MTSS1: variants seen among roughly 807,000 people sequenced by gnomAD.
MTSS1 encodes protein MTSS 1.
A neutral mutation model predicts 79.0 loss-of-function variants in MTSS1; 18 were observed. The ratio of observed to expected loss-of-function variants is 0.23; its 90% CI spans 0.16 to 0.34. The LOEUF (loss-of-function observed/expected upper bound fraction) is 0.34, where lower values mean the gene tolerates loss of function less well. MTSS1 is among the 10% of genes least tolerant of loss of function. The pLI, the probability that MTSS1 is intolerant of heterozygous loss-of-function variation, is 1.00. For missense variants in MTSS1, 815 were observed against 986.2 expected (o/e 0.83, Z 2.33); for synonymous variants, 341 against 368.6 (o/e 0.93, Z 0.86).
chr8:124,586,539 C>T (rs1286548466), intron 5 of MTSS1, among the ~76,000 whole-genome samples: 1 of 152,210 alleles, frequency 6.6e-6, no homozygotes, highest in Non-Finnish European at 1.5e-5. Context: ...CCTCCCCCTA[C>T]AAGCTCCCCA....
chr8:124,613,597 A>G (rs1836280647), intron 3 of MTSS1, among the ~76,000 whole-genome samples: 1 of 152,230 alleles, frequency 6.6e-6, no homozygotes, highest in Non-Finnish European at 1.5e-5. Context: ...GCCTCCAAAG[A>G]CAGCTACAGA....
At chr8:124,639,756 G>A (rs183056954) in intron 3 of MTSS1, among the ~76,000 whole-genome samples, 258 of 152,178 alleles carry the variant, frequency 1.7e-3, no homozygotes, top group African/African-American at 5.9e-3. Flanking sequence ...GAGCCACCGC[G>A]CCCAGCCCCA....
At chr8:124,580,742 C>A in intron 6 of MTSS1, 1 of 601,486 alleles carries the variant, frequency 1.7e-6, no homozygotes, top group Admixed American at 2.6e-5. Flanking sequence ...CCACATTCCC[C>A]TTCTCTGCCT....
intron 3 of MTSS1, among the ~76,000 whole-genome samples, chr8:124,624,343 T>C (rs1193733212): frequency 6.6e-6 from 1 of 152,136 alleles, no homozygotes; most frequent in Admixed American, 6.5e-5. Flanking sequence ...AGGGACGTTT[T>C]CAGAAGATCC....
chr8:124,707,400 A>C (rs10109363), intron 1 of MTSS1, among the ~76,000 whole-genome samples: 48,023 of 94,538 alleles, frequency 0.51, 8,510 homozygotes, highest in Non-Finnish European at 0.54. Context: ...TACAAAAAAA[A>C]AAACAAACAA....
At chr8:124,602,212 T>C (rs983842392) in intron 3 of MTSS1, among the ~76,000 whole-genome samples, 22 of 95,382 alleles carry the variant, frequency 2.3e-4, no homozygotes, top group Non-Finnish European at 4.0e-4. Flanking sequence ...TATATAATTT[T>C]TTTTTGAGAC....
chr8:124,680,937 G>C (rs1826029801), intron 3 of MTSS1, among the ~76,000 whole-genome samples: 1 of 152,160 alleles, frequency 6.6e-6, no homozygotes, highest in East Asian at 1.9e-4. Context: ...CTCCTGGCCA[G>C]AGTGGGGATT....
chr8:124,710,943 G>T (rs905041465), intron 1 of MTSS1, among the ~76,000 whole-genome samples: 1 of 152,202 alleles, frequency 6.6e-6, no homozygotes, highest in Non-Finnish European at 1.5e-5. Flanking sequence ...GCTCTAGAGA[G>T]TGGGGTTCCA....
At chr8:124,556,800 C>T (rs780218967) in intron 11 of MTSS1, among the ~76,000 whole-genome samples, 9 of 152,244 alleles carry the variant, frequency 5.9e-5, no homozygotes, top group East Asian at 1.9e-4. Context: ...AGGGGAATGG[C>T]CACCAGCGAG....
chr8:124,672,310 A>G (rs1291875004), intron 3 of MTSS1, among the ~76,000 whole-genome samples: 5 of 152,218 alleles, frequency 3.3e-5, no homozygotes, highest in Admixed American at 2.0e-4. Context: ...CCTGCCCAAC[A>G]TTGTGAAACC....
At chr8:124,671,738 G>A (rs376788888) in intron 3 of MTSS1, among the ~76,000 whole-genome samples, 10 of 152,134 alleles carry the variant, frequency 6.6e-5, no homozygotes, top group East Asian at 1.9e-4. Flanking sequence ...AACACCAGAC[G>A]CCTCTTATAT....
chr8:124,570,778 T>C (rs1444341576), intron 6 of MTSS1, among the ~76,000 whole-genome samples: 2 of 152,134 alleles, frequency 1.3e-5, no homozygotes, highest in Middle Eastern at 3.2e-3. Context: ...TCATAGCTCA[T>C]TGCAGCCTCA....
intron 3 of MTSS1, among the ~76,000 whole-genome samples, chr8:124,689,113 G>T (rs1441636114): frequency 6.6e-6 from 1 of 151,974 alleles, no homozygotes; most frequent in Non-Finnish European, 1.5e-5. Context: ...GACCTTTTTA[G>T]TATTCTATAA....
rs1020618312 is a variant in MTSS1 at position 124,597,644 on chromosome 8, G to A, written c.209-6409C>T. 5.9e-5 allele frequency among the ~76,000 whole-genome samples: 9 copies of A among 152,304 alleles called. No individual in the cohort carries two copies. Among genetic ancestry groups the A allele is most frequent in the Non-Finnish European group, 1.2e-4 (8 of 68,022 alleles). On this transcript the variant is annotated intron_variant, in intron 3 of 13. Coordinates refer to ENST00000518547, the MANE Select transcript of MTSS1 (RefSeq NM_014751.6). This position sits in a 1 kb window ranked among gnomAD's most constrained non-coding sequence, Gnocchi z 4.6. ...GGGACTAATGGCAGGCATTCTTGGG[G>A]GCTACAGTGTGGGCAGGTGGCGAGC...
At chr8:124,691,840 A>G (rs1053016159) in intron 3 of MTSS1, among the ~76,000 whole-genome samples, 12 of 152,134 alleles carry the variant, frequency 7.9e-5, no homozygotes, top group East Asian at 1.9e-4. Context: ...TTTTTAATCA[A>G]ATGAAGAAAT....
chr8:124,619,991 G>A (rs1293535547), intron 3 of MTSS1, among the ~76,000 whole-genome samples: 1 of 142,308 alleles, frequency 7.0e-6, no homozygotes, highest in Non-Finnish European at 1.5e-5. Context: ...TGCTCTTCTT[G>A]GCCGGGCTGG....
chr8:124,568,793 T>C (rs563145536), intron 6 of MTSS1: 16 of 1,447,356 alleles, frequency 1.1e-5, no homozygotes, highest in Admixed American at 2.7e-5. Flanking sequence ...TCTTCATGAC[T>C]TGCCTTCTCA....
rs1587476924 is a variant in MTSS1 at position 124,636,451 on chromosome 8, T to C, written c.209-45216A>G. ...CCGCCAAAGTTTGGTGGCCTTTCTC[T>C]ATTTTCTAAATGTGTTTGAGACTCT... On this transcript the variant is annotated intron_variant, in intron 3 of 13. Transcript: ENST00000518547. Among the ~76,000 whole-genome samples, 3 of 152,214 alleles carry C rather than the reference T, an allele frequency of 2.0e-5. No homozygotes were observed. In the South Asian group the frequency reaches 6.2e-4, roughly 32 times the overall value.
chr8:124,673,931 G>A (rs1824782856), intron 3 of MTSS1, among the ~76,000 whole-genome samples: 1 of 152,068 alleles, frequency 6.6e-6, no homozygotes, highest in Non-Finnish European at 1.5e-5. Context: ...CATGGCCCTT[G>A]CTCCAGACAC....
Sources: allele counts gnomAD v4.1 joint callset (sites outside exome capture counted in the v4.1 genomes callset), GRCh38; gene constraint gnomAD v4.1.1; non-coding constraint Gnocchi (gnomAD v3.1); transcripts MANE v1.5; gene names NCBI Gene and HGNC (gene_info 2026-07-23, HGNC 2026-07-21).